The following CACNA2D1 variants were observed in gnomAD, a reference collection of about 807,000 sequenced individuals.
CACNA2D1 encodes calcium voltage-gated channel auxiliary subunit alpha2delta 1, also known as voltage-dependent calcium channel subunit alpha-2/delta-1.
CACNA2D1 carries 53 observed loss-of-function variants against 171.5 expected under a neutral mutation model. The ratio of observed to expected loss-of-function variants is 0.31; its 90% CI spans 0.25 to 0.39. The LOEUF is 0.39. CACNA2D1 is among the 10% of genes least tolerant of loss of function. The pLI is 1.00. For missense variants in CACNA2D1, 903 were observed against 1,299.8 expected, an observed-to-expected ratio of 0.69 and a Z score of 4.69; for synonymous variants, 442 against 443.1, an observed-to-expected ratio of 1.00 and a Z score of 0.03.
At chr7:82,382,013 A>G (rs143980428) in intron 1 of CACNA2D1, among the ~76,000 whole-genome samples, 297 of 152,302 alleles carry the variant, frequency 2.0e-3, no homozygotes, top group African/African-American at 6.9e-3. Context: ...ACCCACTGAC[A>G]TATGAGACTA....
chr7:82,433,413 C>T (rs7802520), intron 1 of CACNA2D1, among the ~76,000 whole-genome samples: 44,919 of 152,022 alleles, frequency 0.3, 7,948 homozygotes, highest in South Asian at 0.55. Flanking sequence ...GTATGTATTA[C>T]ATTTCTGAAT....
chr7:82,252,426 T>C (rs1805756580), intron 3 of CACNA2D1, among the ~76,000 whole-genome samples: 4 of 152,218 alleles, frequency 2.6e-5, no homozygotes, highest in African/African-American at 9.6e-5. Context: ...CCATACTCTC[T>C]TAATTAAACA....
At chr7:82,378,576 T>G (rs1823291098) in intron 1 of CACNA2D1, among the ~76,000 whole-genome samples, 1 of 152,142 alleles carries the variant, frequency 6.6e-6, no homozygotes, top group Admixed American at 6.5e-5. Context: ...CCCTATAATT[T>G]TTGTGCATTA....
intron 19 of CACNA2D1, among the ~76,000 whole-genome samples, chr7:81,995,564 C>T (rs908224568): frequency 2.6e-5 from 4 of 151,938 alleles, no homozygotes; most frequent in Non-Finnish European, 4.4e-5. Flanking sequence ...TTTGGGAGGC[C>T]GAGGCGGACA....
intron 7 of CACNA2D1, among the ~76,000 whole-genome samples, chr7:82,084,187 T>G (rs1359711741): frequency 6.6e-6 from 1 of 152,180 alleles, no homozygotes; most frequent in African/African-American, 2.4e-5. Context: ...TACATATTTA[T>G]AAAAAGATGT....
intron 3 of CACNA2D1, among the ~76,000 whole-genome samples, chr7:82,326,862 A>T (rs1223070145): frequency 9.2e-6 from 1 of 108,640 alleles, no homozygotes; most frequent in Non-Finnish European, 2.3e-5. Flanking sequence ...ACTACCATTG[A>T]CTATTCTCAA....
chr7:82,301,345 T>G (rs1812974564), intron 3 of CACNA2D1, among the ~76,000 whole-genome samples: 1 of 152,074 alleles, frequency 6.6e-6, no homozygotes, highest in Non-Finnish European at 1.5e-5. Context: ...AGGCTGGTCT[T>G]GAACTCCAAC....
At position 82,060,327 on chromosome 7, in the gene CACNA2D1, AT is replaced by A. The variant is rs1235544237; in HGVS notation, c.879+100del. The A allele has an allele frequency of 1.6e-5, 12 of 743,606 alleles. No individual in the cohort carries two copies. In the African/African-American group the frequency reaches 2.0e-4, roughly 12 times the overall value. 46.1% of individuals were successfully genotyped at this position (743,606 alleles called of 1,614,324 possible). On this transcript the variant is annotated intron_variant, in intron 10 of 38. Transcript: ENST00000356860. ...AAGATAGTCTTGCAATATATCAAAAATGTCTCAGCCTCTATAAGATAAAAGT... is the reference window on the plus strand; with the variant it reads ...AAGATAGTCTTGCAATATATCAAAAAGTCTCAGCCTCTATAAGATAAAAGT...
chr7:82,306,303 A>T (rs1270525258), intron 3 of CACNA2D1, among the ~76,000 whole-genome samples: 6 of 152,138 alleles, frequency 3.9e-5, no homozygotes, highest in African/African-American at 9.7e-5. Flanking sequence ...TAAGATTTTA[A>T]GCAGCACACT....
intron 6 of CACNA2D1, among the ~76,000 whole-genome samples, chr7:82,110,992 T>C (rs1011339774): frequency 2.6e-4 from 39 of 152,130 alleles, no homozygotes; most frequent in African/African-American, 8.9e-4. Flanking sequence ...ATTTAGTCAG[T>C]GCTATATTCC....
intron 1 of CACNA2D1, among the ~76,000 whole-genome samples, chr7:82,396,984 T>C (rs892421425): frequency 1.3e-5 from 2 of 152,188 alleles, no homozygotes; most frequent in Non-Finnish European, 2.9e-5. Flanking sequence ...TGAATTGAAA[T>C]GCGTTTCTTT....
At chr7:82,156,332 TC>T (rs1157265869) in intron 4 of CACNA2D1, among the ~76,000 whole-genome samples, 2 of 152,102 alleles carry the variant, frequency 1.3e-5, no homozygotes, top group East Asian at 1.9e-4. Context: ...GTATCAGTTA[TC>T]CCAGCAGGAA....
intron 28 of CACNA2D1, among the ~76,000 whole-genome samples, chr7:81,969,296 G>T (rs1473519934): frequency 2.0e-5 from 3 of 151,328 alleles, no homozygotes; most frequent in Middle Eastern, 3.2e-3. Context: ...AAGTGAAGTG[G>T]AAAGATTGAT....
At chr7:82,367,101 G>A (rs1050437848) in intron 1 of CACNA2D1, among the ~76,000 whole-genome samples, 1 of 151,404 alleles carries the variant, frequency 6.6e-6, no homozygotes, top group Non-Finnish European at 1.5e-5. Flanking sequence ...GTAGTGACAG[G>A]GCCTCACCAT....
Position 81,985,790 on chromosome 7 carries a change from C to T in CACNA2D1, c.1797-1079G>A, listed in dbSNP as rs1399953193. Among the ~76,000 whole-genome samples, 14 of 152,190 alleles carry T rather than the reference C, an allele frequency of 9.2e-5. 1 individual carries two copies. In the Middle Eastern group the frequency reaches 0.014, roughly 148 times the overall value. On this transcript the variant is annotated intron_variant, in intron 21 of 38. Coordinates refer to ENST00000356860, the MANE Select transcript of CACNA2D1 (RefSeq NM_000722.4). ...GTTTTGTAGTTAACAAGAGCCACGGCGCTACTCTAGTCTTACGGTAGATGT... is the reference window on the plus strand; with the variant it reads ...GTTTTGTAGTTAACAAGAGCCACGGTGCTACTCTAGTCTTACGGTAGATGT...
At chr7:82,240,892 G>A (rs1804179826) in intron 3 of CACNA2D1, among the ~76,000 whole-genome samples, 1 of 151,914 alleles carries the variant, frequency 6.6e-6, no homozygotes, top group Non-Finnish European at 1.5e-5. Flanking sequence ...ACTTGAACCC[G>A]AGAGGTGGAG....
intron 4 of CACNA2D1, among the ~76,000 whole-genome samples, chr7:82,164,154 C>T (rs769703423): frequency 1.9e-4 from 29 of 151,804 alleles, no homozygotes; most frequent in Admixed American, 2.6e-4. Context: ...TCATTATCTC[C>T]ACAGTAATAT....
chr7:82,092,221 C>T (rs1380585158), intron 6 of CACNA2D1, among the ~76,000 whole-genome samples: 1 of 152,182 alleles, frequency 6.6e-6, no homozygotes, highest in Non-Finnish European at 1.5e-5. Flanking sequence ...TTTATTTAAA[C>T]ACTCACATCA....
intron 1 of CACNA2D1, among the ~76,000 whole-genome samples, chr7:82,351,801 T>C (rs1585614026): frequency 6.6e-6 from 1 of 152,150 alleles, no homozygotes; most frequent in East Asian, 1.9e-4. Context: ...GCAAAAACCA[T>C]TGATCCAGTA....
Sources: gnomAD v4.1 joint callset for allele counts (sites outside exome capture counted in the v4.1 genomes callset) on GRCh38, gnomAD v4.1.1 for gene constraint, MANE v1.5 for transcripts, NCBI Gene and HGNC (gene_info 2026-07-23, HGNC 2026-07-21) for gene names.